Variants in TSHZ3 observed in about 807,000 individuals in gnomAD.
TSHZ3 encodes teashirt zinc finger homeobox 3.
TSHZ3 carries 10 observed loss-of-function variants against 64.5 expected under a neutral mutation model. That is an observed-to-expected ratio of 0.16 (90% CI 0.10 to 0.26). TSHZ3 has a LOEUF of 0.26. Ranked by LOEUF, TSHZ3 falls within the 10% of genes least tolerant of loss-of-function variation. The pLI, the probability that TSHZ3 is intolerant of heterozygous loss-of-function variation, is 1.00. For synonymous variants in TSHZ3, 608 were observed against 593.1 expected, an observed-to-expected ratio of 1.03 and a Z score of -0.36; for missense variants, 1,242 against 1,421.7, an observed-to-expected ratio of 0.87 and a Z score of 2.03.
At chr19:31,219,448 G>C (rs1472610600) in intron 4 of TSHZ3, among the ~76,000 whole-genome samples, 3 of 152,090 alleles carry the variant, frequency 2.0e-5, no homozygotes, top group African/African-American at 7.2e-5. Context: ...AACTTGTTCA[G>C]TGACTTGGCT....
chr19:31,346,866 T>G (rs1015803290), intron 1 of TSHZ3, among the ~76,000 whole-genome samples: 2 of 151,382 alleles, frequency 1.3e-5, no homozygotes, highest in Non-Finnish European at 2.9e-5. Context: ...CTCTCCACTC[T>G]TCTTAAATAA....
chr19:31,246,106 A>G (rs1158321582), intron 1 of TSHZ3, among the ~76,000 whole-genome samples: 2 of 152,230 alleles, frequency 1.3e-5, no homozygotes, highest in African/African-American at 2.4e-5. Context: ...TCACAACATC[A>G]AAAGTCTCCA....
chr19:31,187,181 G>A (rs772245667), intron 5 of TSHZ3, among the ~76,000 whole-genome samples: 2 of 151,808 alleles, frequency 1.3e-5, no homozygotes, highest in African/African-American at 2.4e-5. Context: ...CATAACCCCT[G>A]GGAACTAGTG....
intron 1 of TSHZ3, among the ~76,000 whole-genome samples, chr19:31,250,590 C>A (rs753585447): frequency 6.6e-6 from 1 of 152,316 alleles, no homozygotes; most frequent in Non-Finnish European, 1.5e-5. Context: ...GAAATATCTA[C>A]AATTCTAAGT....
chr19:31,234,673 T>A (rs1975583459), intron 3 of TSHZ3, among the ~76,000 whole-genome samples: 1 of 152,260 alleles, frequency 6.6e-6, no homozygotes, highest in Admixed American at 6.5e-5. Context: ...CTATAATATG[T>A]GAAATTGCTT....
chr19:31,193,011 G>A (rs1834583548), intron 5 of TSHZ3, among the ~76,000 whole-genome samples: 1 of 152,126 alleles, frequency 6.6e-6, no homozygotes, highest in Admixed American at 6.5e-5. Flanking sequence ...ACCTACAGGG[G>A]CCTCCCCTAA....
chr19:31,276,484 C>T lies in TSHZ3; in HGVS notation c.*63G>A, dbSNP rs1976234650. 3 of 1,456,560 alleles carry T rather than the reference C, an allele frequency of 2.1e-6. No homozygotes were observed. Among genetic ancestry groups the T allele is most frequent in the Non-Finnish European group, 2.8e-6 (3 of 1,080,094 alleles). 90.2% of individuals were successfully genotyped at this position (1,456,560 alleles called of 1,614,324 possible). On this transcript the variant is annotated 3_prime_UTR_variant, in exon 2 of 2. Transcript: ENST00000240587. ...CCAAGAACAACAAGTCAGAGGGGGC[C>T]TGAAGGTGCCTTCCACAGTTTCCCT...
chr19:31,286,067 GAA>G (rs1976457451), intron 1 of TSHZ3, among the ~76,000 whole-genome samples: 1 of 152,106 alleles, frequency 6.6e-6, no homozygotes, highest in South Asian at 2.1e-4. Flanking sequence ...TCCCTCCATT[GAA>G]AGAGTCTCTC....
At chr19:31,156,030 G>A (rs1974302183) in intron 6 of TSHZ3, among the ~76,000 whole-genome samples, 1 of 152,180 alleles carries the variant, frequency 6.6e-6, no homozygotes, top group Admixed American at 6.5e-5. Context: ...TCAACTATTG[G>A]AATGTGTGCC....
At chr19:31,166,108 C>T (rs1327041077) in intron 5 of TSHZ3, among the ~76,000 whole-genome samples, 1 of 152,194 alleles carries the variant, frequency 6.6e-6, no homozygotes, top group Non-Finnish European at 1.5e-5. Context: ...TCCTGCACAG[C>T]GTTCAGCACT....
At chr19:31,155,511 G>T (rs192191035) in intron 6 of TSHZ3, among the ~76,000 whole-genome samples, 1 of 152,222 alleles carries the variant, frequency 6.6e-6, no homozygotes, top group African/African-American at 2.4e-5. Context: ...CAGCCTGGGC[G>T]CTAGTTCACG....
intron 1 of TSHZ3, among the ~76,000 whole-genome samples, chr19:31,310,292 CA>C (rs1298408157): frequency 6.6e-6 from 1 of 152,108 alleles, no homozygotes; most frequent in African/African-American, 2.4e-5. Context: ...TGACCCAAAG[CA>C]AAGAGTGTGG....
intron 1 of TSHZ3, among the ~76,000 whole-genome samples, chr19:31,322,011 T>G (rs1411061332): frequency 6.6e-6 from 1 of 152,180 alleles, no homozygotes; most frequent in Non-Finnish European, 1.5e-5. Flanking sequence ...CCCCGGTGTG[T>G]GATGTTCCCC....
chr19:31,236,286 C>T (rs898834331), intron 3 of TSHZ3, among the ~76,000 whole-genome samples: 2 of 152,166 alleles, frequency 1.3e-5, no homozygotes, highest in African/African-American at 4.8e-5. Context: ...TTCTCCATAT[C>T]CTCATCAACA....
intron 4 of TSHZ3, among the ~76,000 whole-genome samples, chr19:31,219,196 T>C (rs556867507): frequency 2.0e-4 from 30 of 152,284 alleles, no homozygotes; most frequent in Middle Eastern, 3.4e-3. Context: ...AGTTCTCTGC[T>C]CTCAGACAAG....
At chr19:31,347,718 C>T (rs1193632828) in intron 1 of TSHZ3, among the ~76,000 whole-genome samples, 2 of 152,204 alleles carry the variant, frequency 1.3e-5, no homozygotes, top group Non-Finnish European at 2.9e-5. Context: ...GCAAAACCTG[C>T]ATCCTAAGCC....
intron 1 of TSHZ3, among the ~76,000 whole-genome samples, chr19:31,310,315 G>A (rs1426412111): frequency 6.6e-6 from 1 of 152,106 alleles, no homozygotes; most frequent in Admixed American, 6.6e-5. Flanking sequence ...GCAGATTAGA[G>A]GAGAAAAACC....
chr19:31,290,036 T>C (rs1976537187), intron 1 of TSHZ3, among the ~76,000 whole-genome samples: 2 of 152,266 alleles, frequency 1.3e-5, no homozygotes, highest in South Asian at 4.1e-4. Context: ...CTGCACACCT[T>C]GCTATGATGA....
At chr19:31,302,672 C>G (rs969549872) in intron 1 of TSHZ3, among the ~76,000 whole-genome samples, 1 of 152,122 alleles carries the variant, frequency 6.6e-6, no homozygotes, top group Non-Finnish European at 1.5e-5. Flanking sequence ...ATAGATATGT[C>G]TATATATAAA....
Sources: gnomAD v4.1 joint callset for allele counts (sites outside exome capture counted in the v4.1 genomes callset) on GRCh38, gnomAD v4.1.1 for gene constraint, MANE v1.5 for transcripts, NCBI Gene and HGNC (gene_info 2026-07-23, HGNC 2026-07-21) for gene names.